The following TLL1 variants were observed in gnomAD, a reference collection of about 807,000 sequenced individuals.
The protein encoded by TLL1 is tolloid like 1.
A neutral mutation model predicts 128.2 loss-of-function variants in TLL1; 49 were observed. That is an observed-to-expected ratio of 0.38 (90% CI 0.30 to 0.48). The LOEUF (loss-of-function observed/expected upper bound fraction) is 0.48. Ranked by LOEUF, TLL1 falls within the 20% of genes least tolerant of loss-of-function variation. The pLI, the probability that TLL1 is intolerant of heterozygous loss-of-function variation, is 0.96. For missense variants in TLL1, 1,123 were observed against 1,242.0 expected (o/e 0.90, Z 1.44); for synonymous variants, 454 against 418.8 (o/e 1.08, Z -1.03).
chr4:165,973,823 G>T (rs1191948251), intron 1 of TLL1, among the ~76,000 whole-genome samples: 2 of 151,836 alleles, frequency 1.3e-5, no homozygotes, highest in Non-Finnish European at 2.9e-5. Context: ...GAGCCACCAT[G>T]CCCAGCTAAT....
At chr4:166,007,134 G>A (rs1363798601) in intron 6 of TLL1, among the ~76,000 whole-genome samples, 1 of 151,624 alleles carries the variant, frequency 6.6e-6, no homozygotes, top group East Asian at 1.9e-4. Flanking sequence ...TGAAAACTGA[G>A]TCACCAAAGC....
chr4:165,951,066 G>C (rs986018384), intron 1 of TLL1, among the ~76,000 whole-genome samples: 1 of 152,090 alleles, frequency 6.6e-6, no homozygotes, highest in Non-Finnish European at 1.5e-5. Flanking sequence ...GGAATGAAAA[G>C]AGGGGATGTA....
chr4:165,914,985 A>T (rs927283309), intron 1 of TLL1, among the ~76,000 whole-genome samples: 2 of 152,176 alleles, frequency 1.3e-5, no homozygotes, highest in Non-Finnish European at 2.9e-5. Context: ...TGAGCAATGA[A>T]TATGCTCATG....
chr4:165,883,226 T>C (rs1731038005), intron 1 of TLL1, among the ~76,000 whole-genome samples: 1 of 152,220 alleles, frequency 6.6e-6, no homozygotes, highest in African/African-American at 2.4e-5. Flanking sequence ...TTAACTTTGT[T>C]AATATCTCCC....
Position 166,101,057 on chromosome 4 carries a change from A to T in TLL1, c.*181A>T, listed in dbSNP as rs553041501. ...TTCCAGCAAAACCCTCATCAGCATT[A>T]CAAGGATATTTGAACTCCATGCTTG... On this transcript the variant is annotated 3_prime_UTR_variant, in exon 21 of 21. Transcript: ENST00000061240. The T allele has an allele frequency of 4.2e-6, 3 of 706,800 alleles. No individual in the cohort carries two copies. Among genetic ancestry groups the T allele is most frequent in the African/African-American group, 3.6e-5 (2 of 55,382 alleles). The allele number at this position is 706,800 out of a possible 1,614,324, so 43.8% of individuals were successfully genotyped here. A position where few individuals can be genotyped will look rare whatever the true frequency, so the allele number is the denominator to read the frequency against.
In TLL1 at chr4:165,995,094, G is replaced by A. The variant is rs1326583162; in HGVS notation, c.548G>A (p.Arg183Lys). The A allele has an allele frequency of 6.2e-7, 1 of 1,613,964 alleles. No individual in the cohort carries two copies. Among genetic ancestry groups the A allele is most frequent in the Non-Finnish European group, 8.5e-7 (1 of 1,179,930 alleles). ...AGAGCCATGTTCAAGCAGGCCATGAGGCACTGGGAAAAGCACACATGTGTG... is the reference window on the plus strand; with the variant it reads ...AGAGCCATGTTCAAGCAGGCCATGAAGCACTGGGAAAAGCACACATGTGTG... The part of the protein sequence containing the change: ...SQRAMFKQAM[R>K]HWEKHTCVTF... Residue 183 changes from arginine (R) to lysine (K), a missense_variant, in exon 5 of 21, where the codon AGG becomes AAG. Physicochemically the swap from Arg to Lys is conservative, Grantham distance 26. Around this residue, in one of 3 missense-constraint regions of TLL1, gnomAD observed 480 missense variants for 542.4 expected, o/e 0.89. Transcript: ENST00000061240.
At chr4:166,018,264 C>T (rs1256792937) in intron 8 of TLL1, among the ~76,000 whole-genome samples, 1 of 152,026 alleles carries the variant, frequency 6.6e-6, no homozygotes, top group East Asian at 1.9e-4. Context: ...TGAAACTGGA[C>T]TCTATCTTTC....
chr4:165,874,103 C>T (rs750256997), intron 1 of TLL1, 30 bp downstream of exon 1: 1 of 1,613,444 alleles, frequency 6.2e-7, no homozygotes, highest in South Asian at 1.1e-5. Flanking sequence ...GGGACGGTGG[C>T]GCGCCGGGGG....
chr4:165,999,103 C>A (rs571422206), intron 5 of TLL1, among the ~76,000 whole-genome samples: 1 of 152,106 alleles, frequency 6.6e-6, no homozygotes, highest in Non-Finnish European at 1.5e-5. Context: ...TTCAACAAGT[C>A]TCTAGGAAGT....
Position 166,065,764 on chromosome 4 carries a change from G to C in TLL1, c.2089G>C (p.Val697Leu). Residue 697 changes from valine (V) to leucine (L), a missense_variant, in exon 16 of 21, where the codon GTG becomes CTG. Physicochemically the swap from Val to Leu is conservative, Grantham distance 32. Coordinates refer to ENST00000061240, the MANE Select transcript of TLL1 (RefSeq NM_012464.5). ...GCATGGCAAATTCTGTGGCGCTGAA[G>C]TGCCTGAAGTGATCACATCCCAGTT... ...KLHGKFCGAE[V>L]PEVITSQFNN... 1 of 1,613,132 alleles carries C rather than the reference G, an allele frequency of 6.2e-7. No homozygotes were observed. The highest frequency in any genetic ancestry group is 8.5e-7 in the Non-Finnish European group (1 of 1,179,400).
chr4:166,048,669 G>C (rs1199571314), intron 12 of TLL1, among the ~76,000 whole-genome samples: 1 of 152,174 alleles, frequency 6.6e-6, no homozygotes, highest in Non-Finnish European at 1.5e-5. Flanking sequence ...AGTTTGGAAG[G>C]CTGGAAATGT....
chr4:165,878,639 T>G (rs920916678), intron 1 of TLL1, among the ~76,000 whole-genome samples: 9 of 152,160 alleles, frequency 5.9e-5, no homozygotes, highest in African/African-American at 2.2e-4. Context: ...TTTCTTTTCC[T>G]TTTTGTTTGT....
Position 166,101,054 on chromosome 4 carries a change from A to G in TLL1, c.*178A>G. The G allele has an allele frequency of 1.4e-6, 1 of 714,326 alleles. No homozygotes were observed. Among genetic ancestry groups the G allele is most frequent in the Non-Finnish European group, 2.3e-6 (1 of 444,190 alleles). The allele number at this position is 714,326 out of a possible 1,614,324, so 44.2% of individuals were successfully genotyped here. ...AGTTTCCAGCAAAACCCTCATCAGC[A>G]TTACAAGGATATTTGAACTCCATGC... is the stretch of plus-strand genomic sequence containing the variant. On this transcript the variant is annotated 3_prime_UTR_variant, in exon 21 of 21. Transcript: ENST00000061240.
chr4:165,905,176 C>G (rs1459228626), intron 1 of TLL1, among the ~76,000 whole-genome samples: 5 of 152,140 alleles, frequency 3.3e-5, no homozygotes, highest in Admixed American at 3.3e-4. Context: ...AAACTTATAC[C>G]TGCTATGCGA....
At chr4:165,974,024 C>T (rs1471434537) in intron 1 of TLL1, among the ~76,000 whole-genome samples, 2 of 151,660 alleles carry the variant, frequency 1.3e-5, no homozygotes, top group Non-Finnish European at 2.9e-5. Flanking sequence ...ATTTTTTCAT[C>T]CCATGTGTCT....
intron 18 of TLL1, among the ~76,000 whole-genome samples, chr4:166,084,234 C>T (rs555137025): frequency 3.3e-4 from 50 of 151,874 alleles, no homozygotes; most frequent in African/African-American, 9.9e-4. Flanking sequence ...TAAGTTTATT[C>T]GTTTCCTTGT....
rs779421547 is a variant in TLL1, at chr4:165,989,441, G to A, written c.230G>A (p.Arg77Lys). The A allele has an allele frequency of 1.2e-6, 2 of 1,612,862 alleles. No individual in the cohort carries two copies. Among genetic ancestry groups the A allele is most frequent in the Admixed American group, 1.7e-5 (1 of 59,860 alleles). The change falls in exon 2 of 21, where the codon AGG (arginine) becomes AAG (lysine). Residue 77 changes from arginine to lysine, a missense_variant. Transcript: ENST00000061240. ...DEDLNIFQIDRTIDLTQNPFG... is the reference protein window; with the variant it reads ...DEDLNIFQIDKTIDLTQNPFG... ...GACTTAAATATCTTTCAAATAGATA[G>A]GACAATTGACCTTACGCAGAACCCC...
intron 12 of TLL1, 66 bp downstream of exon 12, chr4:166,043,485 T>A: frequency 6.2e-7 from 1 of 1,601,302 alleles, no homozygotes. Flanking sequence ...TTTAAGAGAA[T>A]CCTCATTAAA....
At chr4:165,974,347 A>G (rs1735775950) in intron 1 of TLL1, among the ~76,000 whole-genome samples, 8 of 130,272 alleles carry the variant, frequency 6.1e-5, no homozygotes, top group Admixed American at 5.7e-4. Flanking sequence ...TCACCGTTTT[A>G]GCCGGGATGG....
Sources: allele counts gnomAD v4.1 joint callset (sites outside exome capture counted in the v4.1 genomes callset), GRCh38; gene constraint gnomAD v4.1.1; regional missense constraint gnomAD v4.1.1; transcripts MANE v1.5; gene names NCBI Gene and HGNC (gene_info 2026-07-23, HGNC 2026-07-21).